The following C16orf96 variants were observed in gnomAD, a reference collection of about 807,000 sequenced individuals.
C16orf96 encodes the protein chromosome 16 open reading frame 96.
C16orf96 carries 108 observed loss-of-function variants against 103.6 expected under a neutral mutation model. The ratio of observed to expected loss-of-function variants is 1.04; its 90% CI spans 0.89 to 1.22. The LOEUF is 1.22. Among genes scored for constraint, C16orf96 ranks in the 50% most tolerant of loss-of-function variants. The probability of loss-of-function intolerance (pLI) is 0.00; values close to 1 mark genes in which losing one functional copy is unlikely to be tolerated. For synonymous variants in C16orf96, 566 were observed against 593.5 expected, an observed-to-expected ratio of 0.95 and a Z score of 0.67; for missense variants, 1,586 against 1,464.2, an observed-to-expected ratio of 1.08 and a Z score of -1.36.
chr16:4,548,793 A>T, the C16orf96 span, among the ~76,000 whole-genome samples: 1 of 151,162 alleles, frequency 6.6e-6, no homozygotes, highest in African/African-American at 2.4e-5. Flanking sequence ...GAATCGCTTG[A>T]ACCCGGGAGG....
At chr16:4,582,611 C>T (rs1896817329) in intron 7 of C16orf96, among the ~76,000 whole-genome samples, 1 of 152,080 alleles carries the variant, frequency 6.6e-6, no homozygotes, top group African/African-American at 2.4e-5. Flanking sequence ...TGCAGGGGTA[C>T]GTGCTCAGAC....
intron 2 of C16orf96, among the ~76,000 whole-genome samples, 190 bp downstream of exon 2, chr16:4,571,855 CTT>C (rs879765910): frequency 3.6e-5 from 5 of 140,750 alleles, no homozygotes; most frequent in Non-Finnish European, 4.7e-5. Flanking sequence ...CTTTTCTTTT[CTT>C]TTTTTTTTTT....
chr16:4,573,552 A>C (rs1389253194), intron 2 of C16orf96, among the ~76,000 whole-genome samples: 3 of 151,390 alleles, frequency 2.0e-5, no homozygotes, highest in African/African-American at 7.3e-5. Flanking sequence ...GGAGATCGAG[A>C]CCATCCTCGC....
intron 6 of C16orf96, 110 bp downstream of exon 6, chr16:4,579,135 A>C: frequency 1.0e-6 from 1 of 1,004,804 alleles, no homozygotes; most frequent in Non-Finnish European, 1.5e-6. Flanking sequence ...CTGCAGCAAA[A>C]CAGGCTGGGG....
chr16:4,576,677 G>C, intron 5 of C16orf96, 42 bp downstream of exon 5: 1 of 1,493,736 alleles, frequency 6.7e-7, no homozygotes, highest in Non-Finnish European at 9.0e-7. Flanking sequence ...AGGGAGTGGG[G>C]CTCTCCCTGC....
rs1179028670 is a variant in C16orf96 at position 4,575,697 on chromosome 16, C to T, written c.1217C>T (p.Pro406Leu). ...PQGWPRVGSW[P>L]LWDLGVLRPT... ...GGCTGGCCCAGGGTGGGCTCTTGGC[C>T]TCTGTGGGACTTAGGTGTCCTGCGG... is the stretch of plus-strand genomic sequence containing the variant. Residue 406 changes from proline to leucine, a missense_variant, in exon 5 of 16, where the codon CCT becomes CTT. Transcript: ENST00000444310. 2 of 1,533,362 alleles carry T rather than the reference C, an allele frequency of 1.3e-6. No homozygotes were observed. Among genetic ancestry groups the T allele is most frequent in the African/African-American group, 1.4e-5 (1 of 72,676 alleles). The allele number at this position is 1,533,362 out of a possible 1,614,324, so 95.0% of individuals were successfully genotyped here.
At chr16:4,548,927 G>A in the C16orf96 span, among the ~76,000 whole-genome samples, 2 of 150,236 alleles carry the variant, frequency 1.3e-5, no homozygotes, top group Non-Finnish European at 3.0e-5. Context: ...TCTATAACCA[G>A]TGCCATCTGC....
rs528098857 is a variant in C16orf96, at chr16:4,576,053, A to G, written c.1573A>G (p.Lys525Glu). Reference protein sequence around the residue: ...KDVDPKDRAHKDDVPKDRGGK... With the variant: ...KDVDPKDRAHEDDVPKDRGGK... ...TGTGGACCCCAAGGATAGAGCTCAC[A>G]AGGATGATGTCCCCAAAGATAGAGG... The change falls in exon 5 of 16, where the codon AAG (lysine) becomes GAG (glutamate). Residue 525 changes from lysine (K) to glutamate (E), a missense_variant. Transcript: ENST00000444310. 3.5e-5 allele frequency: 54 copies of G among 1,551,362 alleles called. No homozygotes were observed. The East Asian group carries it at 1.2e-3, about 36-fold the overall frequency.
At chr16:4,577,943 C>A (rs765669340) in intron 5 of C16orf96, among the ~76,000 whole-genome samples, 4 of 151,806 alleles carry the variant, frequency 2.6e-5, no homozygotes, top group Non-Finnish European at 4.4e-5. Context: ...TAGCGAGACT[C>A]CTCCTCAAAA....
intron 10 of C16orf96, 140 bp from the exon 11 acceptor site, chr16:4,592,165 G>T: frequency 1.0e-6 from 1 of 969,818 alleles, no homozygotes. Flanking sequence ...AAGAGTGGTT[G>T]GAGACTGCAG....
intron 1 of C16orf96, chr16:4,560,502 T>A (rs2059317988): frequency 6.6e-6 from 1 of 151,688 alleles, no homozygotes; most frequent in Admixed American, 6.6e-5. Context: ...GCCCGGCCAA[T>A]ACTAAAATAT....
In C16orf96 at chr16:4,595,457, A is replaced by G. The variant is rs527737942; in HGVS notation, c.3127+654A>G. On this transcript the variant is annotated intron_variant, in intron 14 of 15. Transcript: ENST00000444310. The stretch of plus-strand genomic sequence containing the variant: ...AGTCAATGTGGTTGCTGCAGTGCTG[A>G]GGCCCGGCTCTGGCCGGCTCCTGCT... 7.2e-5 allele frequency among the ~76,000 whole-genome samples: 11 copies of G among 152,304 alleles called. 1 individual carries two copies. In the South Asian group the frequency reaches 2.3e-3, roughly 32 times the overall value.
intron 14 of C16orf96, among the ~76,000 whole-genome samples, chr16:4,596,058 G>A (rs1897164249): frequency 1.3e-5 from 2 of 152,094 alleles, no homozygotes; most frequent in Admixed American, 1.3e-4. Context: ...AAGAAGGGAA[G>A]GGGGACTGTT....
chr16:4,563,502 A>C (rs1445600343), intron 1 of C16orf96, among the ~76,000 whole-genome samples: 1 of 151,620 alleles, frequency 6.6e-6, no homozygotes, highest in Non-Finnish European at 1.5e-5. Context: ...TAATCCTCCC[A>C]CTTCAGCCCA....
upstream of C16orf96, among the ~76,000 whole-genome samples, chr16:4,552,102 T>C (rs1405422559): frequency 1.3e-5 from 2 of 152,208 alleles, no homozygotes; most frequent in African/African-American, 4.8e-5. Flanking sequence ...TCATCCTTTT[T>C]TATGGCTGCA....
chr16:4,563,534 G>A (rs909968554), intron 1 of C16orf96, among the ~76,000 whole-genome samples: 1 of 151,986 alleles, frequency 6.6e-6, no homozygotes, highest in African/African-American at 2.4e-5. Flanking sequence ...TTACAGGCTT[G>A]AGCCACTGCG....
Position 4,576,177 on chromosome 16 carries a change from C to A in C16orf96, c.1697C>A (p.Thr566Asn). 6.4e-7 allele frequency: 1 copy of A among 1,550,678 alleles called. No individual in the cohort carries two copies. Among genetic ancestry groups the A allele is most frequent in the South Asian group, 1.2e-5 (1 of 84,070 alleles). ...CAGTCTGCCCTTCACCGGCTGAAAA[C>A]CACCGCTGCCATCGCCGCCGCTGCC... ...APQSALHRLK[T>N]TAAIAAAAAA... The change falls in exon 5 of 16, where the codon ACC (threonine) becomes AAC (asparagine). Residue 566 changes from threonine (T) to asparagine (N), a missense_variant. By Grantham distance (65) the Thr-to-Asn change is moderately conservative. Coordinates refer to ENST00000444310, the MANE Select transcript of C16orf96 (RefSeq NM_001145011.2).
At chr16:4,540,293 G>A in the C16orf96 span, among the ~76,000 whole-genome samples, 2 of 152,234 alleles carry the variant, frequency 1.3e-5, no homozygotes, top group Non-Finnish European at 2.9e-5. Flanking sequence ...AGGAGGCGAT[G>A]CTGAGGCAGG....
At chr16:4,548,026 A>G in the C16orf96 span, among the ~76,000 whole-genome samples, 4 of 152,156 alleles carry the variant, frequency 2.6e-5, no homozygotes, top group Non-Finnish European at 5.9e-5. Flanking sequence ...AAGCCATTGA[A>G]TTATACATGG....
Sources: allele counts gnomAD v4.1 joint callset (sites outside exome capture counted in the v4.1 genomes callset), GRCh38; gene constraint gnomAD v4.1.1; transcripts MANE v1.5; gene names NCBI Gene and HGNC (gene_info 2026-07-23, HGNC 2026-07-21).